SLC7A14: variants seen among roughly 807,000 people sequenced by gnomAD.
SLC7A14 encodes the protein solute carrier family 7 member 14, also known as gamma-aminobutyric acid transporter SLC7A14.
In SLC7A14, 37 loss-of-function variants were observed where a neutral mutation model predicts 60.2. That is an observed-to-expected ratio of 0.61 (90% CI 0.47 to 0.81). The LOEUF (loss-of-function observed/expected upper bound fraction) is 0.81, where lower values mean the gene tolerates loss of function less well. Among genes scored for constraint, SLC7A14 ranks in the 30% least tolerant of loss-of-function variants. The pLI, the probability that SLC7A14 is intolerant of heterozygous loss-of-function variation, is 0.00. For synonymous variants in SLC7A14, 399 were observed against 395.8 expected (o/e 1.01, Z -0.10); for missense variants, 886 against 982.7 (o/e 0.90, Z 1.32).
chr3:170,575,003 G>A (rs1715052820), intron 1 of SLC7A14, among the ~76,000 whole-genome samples: 3 of 152,162 alleles, frequency 2.0e-5, no homozygotes, highest in South Asian at 2.1e-4. Context: ...GAGGAAAAGT[G>A]GTTAGAGAGA....
At chr3:170,508,377 C>T (rs970204623) in intron 2 of SLC7A14, among the ~76,000 whole-genome samples, 12 of 152,218 alleles carry the variant, frequency 7.9e-5, no homozygotes, top group African/African-American at 2.2e-4. Flanking sequence ...CTCAGAGGTT[C>T]GGTCAGGCTG....
intron 1 of SLC7A14, among the ~76,000 whole-genome samples, chr3:170,552,335 C>T: frequency 6.6e-6 from 1 of 152,130 alleles, no homozygotes; most frequent in East Asian, 1.9e-4. Context: ...CATTGTTGGG[C>T]ATTGAGATCA....
chr3:170,494,997 T>C (rs763293478), intron 4 of SLC7A14, among the ~76,000 whole-genome samples: 2 of 152,190 alleles, frequency 1.3e-5, no homozygotes, highest in Non-Finnish European at 2.9e-5. Context: ...GCAGCCTCTA[T>C]GAGGATTCTC....
Position 170,483,439 on chromosome 3 carries a change from C to A in SLC7A14, c.990G>T (p.Gly330=), listed in dbSNP as rs1711912193. ...CCACTACGAATTTGGCAGCATAGAA[C>A]CCATGAGCCACAAACATCTCCATGA... The part of the protein sequence containing the change: ...SPLMEMFVAH[G]FYAAKFVVAI... The change falls in exon 6 of 8, where the codon GGG becomes GGT. Residue 330 remains glycine (G), a synonymous_variant. Coordinates refer to ENST00000231706, the MANE Select transcript of SLC7A14 (RefSeq NM_020949.3). 2 of 1,614,084 alleles carry A rather than the reference C, an allele frequency of 1.2e-6. No individual in the cohort carries two copies. Among genetic ancestry groups the A allele is most frequent in the Non-Finnish European group, 1.7e-6 (2 of 1,180,046 alleles).
chr3:170,510,075 CAAAAAAA>C (rs34579714), intron 2 of SLC7A14, among the ~76,000 whole-genome samples: 50 of 78,560 alleles, frequency 6.4e-4, no homozygotes, highest in African/African-American at 2.1e-3. Flanking sequence ...AACTCTGTCT[CAAAAAAA>C]AAAAAAAAAA....
chr3:170,576,296 G>C (rs766539545), intron 1 of SLC7A14, among the ~76,000 whole-genome samples: 9 of 152,202 alleles, frequency 5.9e-5, no homozygotes, highest in Admixed American at 1.3e-4. Flanking sequence ...GCCCATGCTT[G>C]TCATAAAACA....
chr3:170,484,073 TA>T (rs1187189840), intron 5 of SLC7A14, among the ~76,000 whole-genome samples: 1 of 152,194 alleles, frequency 6.6e-6, no homozygotes, highest in African/African-American at 2.4e-5. Context: ...TAAGGACTCA[TA>T]TTTCTATTTC....
intron 4 of SLC7A14, among the ~76,000 whole-genome samples, chr3:170,496,982 C>T (rs1308822804): frequency 6.6e-6 from 1 of 151,704 alleles, no homozygotes; most frequent in Non-Finnish European, 1.5e-5. Flanking sequence ...ACAGGAGACC[C>T]ACCTGAAGCT....
chr3:170,559,171 G>A (rs1041529701), intron 1 of SLC7A14, among the ~76,000 whole-genome samples: 2 of 152,176 alleles, frequency 1.3e-5, no homozygotes, highest in African/African-American at 2.4e-5. Flanking sequence ...AACAGCACAC[G>A]TGTGTTTTCA....
chr3:170,551,475 T>C (rs532056574), intron 1 of SLC7A14, among the ~76,000 whole-genome samples: 1 of 152,326 alleles, frequency 6.6e-6, no homozygotes, highest in African/African-American at 2.4e-5. Context: ...CAGGAACTGC[T>C]GGACTGTGTT....
At chr3:170,477,929 A>T (rs914894506) in intron 7 of SLC7A14, among the ~76,000 whole-genome samples, 2 of 152,204 alleles carry the variant, frequency 1.3e-5, no homozygotes, top group African/African-American at 4.8e-5. Context: ...TGTCTTGAAT[A>T]ATTTGACAAA....
intron 4 of SLC7A14, among the ~76,000 whole-genome samples, chr3:170,491,861 C>T (rs1051381960): frequency 3.3e-5 from 5 of 152,028 alleles, no homozygotes; most frequent in Admixed American, 6.6e-5. Flanking sequence ...GTCTGGGGAG[C>T]GGAGGCAAAT....
rs1257490725 is a variant in SLC7A14 at position 170,465,495 on chromosome 3, T to C, written c.*1560A>G. 1 of 152,248 alleles carries C rather than the reference T, an allele frequency of 6.6e-6. No homozygotes were observed. The highest frequency in any genetic ancestry group is 1.5e-5 in the Non-Finnish European group (1 of 68,044). The allele number at this position is 152,248 out of a possible 1,614,324, so 9.4% of individuals were successfully genotyped here. A position where few individuals can be genotyped will look rare whatever the true frequency, so the allele number is the denominator to read the frequency against. On this transcript the variant is annotated 3_prime_UTR_variant, in exon 8 of 8. Transcript: ENST00000231706. ...ACCTCCTTGCCATAATCCTAAAGCA[T>C]GCCAAGATGGCATGAGCCTCAGCCT...
chr3:170,492,936 G>C (rs1219490395), intron 4 of SLC7A14, among the ~76,000 whole-genome samples: 2 of 152,218 alleles, frequency 1.3e-5, no homozygotes, highest in African/African-American at 4.8e-5. Context: ...CCCAGTGACA[G>C]TGGAATGTGC....
At chr3:170,563,416 T>C (rs905442972) in intron 1 of SLC7A14, among the ~76,000 whole-genome samples, 2 of 102,894 alleles carry the variant, frequency 1.9e-5, no homozygotes, top group African/African-American at 8.2e-5. Flanking sequence ...TTTGTTTGTT[T>C]GTTTTTTTTT....
At chr3:170,530,606 T>C (rs921948925) in intron 1 of SLC7A14, among the ~76,000 whole-genome samples, 2 of 152,328 alleles carry the variant, frequency 1.3e-5, no homozygotes, top group African/African-American at 4.8e-5. Flanking sequence ...TTTATTCAGG[T>C]GAGCAATATG....
At chr3:170,569,709 A>G (rs867703118) in intron 1 of SLC7A14, among the ~76,000 whole-genome samples, 1 of 151,972 alleles carries the variant, frequency 6.6e-6, no homozygotes, top group African/African-American at 2.4e-5. Flanking sequence ...GTCTATTCAG[A>G]GATTCAACTT....
chr3:170,556,003 A>G (rs1402193262), intron 1 of SLC7A14, among the ~76,000 whole-genome samples: 2 of 152,152 alleles, frequency 1.3e-5, no homozygotes, highest in Admixed American at 1.3e-4. Flanking sequence ...TACTTTAACA[A>G]TTGGCATAGT....
At chr3:170,506,752 C>T (rs1712792437) in intron 2 of SLC7A14, among the ~76,000 whole-genome samples, 1 of 152,150 alleles carries the variant, frequency 6.6e-6, no homozygotes. Flanking sequence ...TTGCAGCCTA[C>T]CCGGATTCCC....
Sources: allele counts gnomAD v4.1 joint callset (sites outside exome capture counted in the v4.1 genomes callset), GRCh38; gene constraint gnomAD v4.1.1; transcripts MANE v1.5; gene names NCBI Gene and HGNC (gene_info 2026-07-23, HGNC 2026-07-21).